The following RIMS2 variants were observed in gnomAD, a reference collection of about 807,000 sequenced individuals.
RIMS2 encodes the protein regulating synaptic membrane exocytosis protein 2.
In RIMS2, 59 loss-of-function variants were observed where a neutral mutation model predicts 174.4. The observed-to-expected ratio is 0.34, with a 90% CI of 0.27 to 0.42. RIMS2 has a LOEUF of 0.42. RIMS2 is among the 10% of genes least tolerant of loss of function. The pLI is 1.00. For synonymous variants in RIMS2, 606 were observed against 572.5 expected (o/e 1.06, Z -0.84); for missense variants, 1,620 against 1,666.3 (o/e 0.97, Z 0.48).
chr8:104,156,881 A>G (rs1038758802), intron 19 of RIMS2, among the ~76,000 whole-genome samples: 3 of 152,180 alleles, frequency 2.0e-5, no homozygotes, highest in African/African-American at 7.2e-5. Context: ...ATGCCCTATT[A>G]ATACACAAGC....
chr8:103,961,230 C>G, intron 15 of RIMS2, 97 bp downstream of exon 17: 1 of 701,828 alleles, frequency 1.4e-6, no homozygotes. Flanking sequence ...AGATATAACT[C>G]GTCTTCTCAC....
At chr8:103,817,041 A>G (rs1274281830) in intron 3 of RIMS2, among the ~76,000 whole-genome samples, 3 of 152,206 alleles carry the variant, frequency 2.0e-5, no homozygotes, top group Admixed American at 2.0e-4. Context: ...CCTCACAGAT[A>G]GTATGAGCTG....
chr8:103,623,478 G>GTTTTTTTTTTT (rs71575976), intron 1 of RIMS2, among the ~76,000 whole-genome samples: 17 of 83,238 alleles, frequency 2.0e-4, no homozygotes, highest in Admixed American at 3.5e-4. Context: ...GGTTTCTTCA[G>GTTTTTTTTTTT]TTTTTTTTTT....
chr8:103,580,050 T>G (rs1258125645), intron 1 of RIMS2, among the ~76,000 whole-genome samples: 1 of 152,036 alleles, frequency 6.6e-6, no homozygotes. Flanking sequence ...CACTGAGAAT[T>G]ACAATTCGAC....
intron 19 of RIMS2, among the ~76,000 whole-genome samples, chr8:104,058,901 G>A (rs1206262584): frequency 1.3e-5 from 2 of 152,134 alleles, no homozygotes; most frequent in Admixed American, 6.5e-5. Context: ...TTATTTCTGA[G>A]GGCTCTGTTC....
intron 1 of RIMS2, among the ~76,000 whole-genome samples, chr8:103,674,410 T>A (rs2096782811): frequency 6.6e-6 from 1 of 152,180 alleles, no homozygotes; most frequent in Admixed American, 6.5e-5. Flanking sequence ...CTCAGATAGC[T>A]TTTGACCACA....
chr8:103,861,804 C>G (rs1028143502), intron 3 of RIMS2, among the ~76,000 whole-genome samples: 1 of 151,868 alleles, frequency 6.6e-6, no homozygotes, highest in Admixed American at 6.6e-5. Context: ...TCATGATGTC[C>G]TTTGTCTACT....
chr8:103,751,554 G>A (rs966249836), intron 2 of RIMS2, among the ~76,000 whole-genome samples: 1 of 151,598 alleles, frequency 6.6e-6, no homozygotes, highest in Admixed American at 6.6e-5. Flanking sequence ...CTAGTTTACA[G>A]TCCCACCAAC....
chr8:104,034,462 CTTTTTTT>C (rs200907072), intron 19 of RIMS2, among the ~76,000 whole-genome samples: 37 of 118,378 alleles, frequency 3.1e-4, no homozygotes, highest in South Asian at 1.0e-3. Flanking sequence ...CTTGCAGTAT[CTTTTTTT>C]TTTTTTTTTT....
At chr8:103,921,520 A>G in intron 9 of RIMS2, 152 bp from the exon 13 acceptor site, 1 of 548,678 alleles carries the variant, frequency 1.8e-6, no homozygotes, top group South Asian at 2.1e-5. Flanking sequence ...ACCCTTTAAG[A>G]ATATTTGGAA....
chr8:103,961,090 A>C, exon 15 of RIMS2: 5 of 1,505,300 alleles, frequency 3.3e-6, no homozygotes, highest in Non-Finnish European at 2.8e-6. Flanking sequence ...GTGATAGTGA[A>C]GTCTCTGACT....
intron 4 of RIMS2, among the ~76,000 whole-genome samples, chr8:103,905,186 A>G (rs1403955635): frequency 6.6e-6 from 1 of 151,994 alleles, no homozygotes; most frequent in Non-Finnish European, 1.5e-5. Flanking sequence ...TTTGTTTAGT[A>G]TCTTTATTTC....
At chr8:103,546,054 A>G (rs1844912595) in intron 1 of RIMS2, among the ~76,000 whole-genome samples, 1 of 152,162 alleles carries the variant, frequency 6.6e-6, no homozygotes, top group South Asian at 2.1e-4. Context: ...AATGTAAACA[A>G]GCAAAATGCC....
chr8:103,885,656 A>G, exon 4 of RIMS2: 1 of 1,613,034 alleles, frequency 6.2e-7, no homozygotes, highest in Non-Finnish European at 8.5e-7. Context: ...TGAAGAACAA[A>G]TGCGGATCCA....
At chr8:104,114,817 A>G (rs984497517) in intron 19 of RIMS2, among the ~76,000 whole-genome samples, 2 of 151,998 alleles carry the variant, frequency 1.3e-5, no homozygotes, top group Non-Finnish European at 2.9e-5. Context: ...TTTTATAATC[A>G]TTTAAGTTTT....
chr8:104,241,323 G>A (rs1284629767), intron 19 of RIMS2, among the ~76,000 whole-genome samples: 1 of 152,176 alleles, frequency 6.6e-6, no homozygotes, highest in East Asian at 1.9e-4. Flanking sequence ...GGGGCCCTTA[G>A]ATGCTATAAC....
At chr8:103,676,234 G>C (rs1035457632) in intron 1 of RIMS2, among the ~76,000 whole-genome samples, 1 of 58,320 alleles carries the variant, frequency 1.7e-5, no homozygotes, top group Non-Finnish European at 3.1e-5. Flanking sequence ...TTTGCAAAAG[G>C]GTTTTTATAT....
At chr8:104,022,470 C>A (rs755333267) in intron 19 of RIMS2, among the ~76,000 whole-genome samples, 13 of 152,150 alleles carry the variant, frequency 8.5e-5, no homozygotes, top group Admixed American at 7.9e-4. Context: ...GCAACCTCCC[C>A]CTCCCGGCTC....
intron 17 of RIMS2, among the ~76,000 whole-genome samples, chr8:103,996,146 A>G (rs1449886680): frequency 6.6e-6 from 1 of 151,956 alleles, no homozygotes; most frequent in Non-Finnish European, 1.5e-5. Flanking sequence ...TTGTAGAGGT[A>G]CCTGAGAGAC....
Sources: allele counts gnomAD v4.1 joint callset (sites outside exome capture counted in the v4.1 genomes callset), GRCh38; gene constraint gnomAD v4.1.1; transcripts MANE v1.5; gene names NCBI Gene and HGNC (gene_info 2026-07-23, HGNC 2026-07-21).